The following CUL4A variants were observed in gnomAD, a reference collection of about 807,000 sequenced individuals.
CUL4A encodes the protein cullin-4A.
CUL4A carries 16 observed loss-of-function variants against 95.5 expected under a neutral mutation model. The ratio of observed to expected loss-of-function variants is 0.17; its 90% CI spans 0.11 to 0.25. The LOEUF (loss-of-function observed/expected upper bound fraction) is 0.25, where lower values mean the gene tolerates loss of function less well. Among genes scored for constraint, CUL4A ranks in the 10% least tolerant of loss-of-function variants. The pLI is 1.00. For missense variants in CUL4A, 610 were observed against 937.0 expected, an observed-to-expected ratio of 0.65 and a Z score of 4.56; for synonymous variants, 380 against 353.1, an observed-to-expected ratio of 1.08 and a Z score of -0.85.
intron 18 of CUL4A, among the ~76,000 whole-genome samples, chr13:113,260,076 G>C (rs1296678320): frequency 6.7e-6 from 1 of 150,214 alleles, no homozygotes; most frequent in Non-Finnish European, 1.5e-5. Context: ...TGGTGGGGGG[G>C]CACCGTAGTC....
upstream of CUL4A, chr13:113,208,546 G>C (rs1456736690): frequency 6.3e-7 from 1 of 1,591,778 alleles, no homozygotes; most frequent in Non-Finnish European, 8.5e-7. Context: ...GGGGACACAC[G>C]GAACACGCCG....
chr13:113,212,557 T>C (rs2040489767), intron 2 of CUL4A, among the ~76,000 whole-genome samples: 1 of 151,910 alleles, frequency 6.6e-6, no homozygotes, highest in Non-Finnish European at 1.5e-5. Flanking sequence ...CCAAGGTGGG[T>C]AGATCGCCTG....
chr13:113,251,455 A>G (rs1002515242), intron 15 of CUL4A, among the ~76,000 whole-genome samples: 3 of 151,626 alleles, frequency 2.0e-5, no homozygotes, highest in Non-Finnish European at 1.5e-5. Flanking sequence ...GGGAATGGTG[A>G]GCTCGTGGGA....
chr13:113,215,637 A>G (rs559195301), intron 2 of CUL4A, among the ~76,000 whole-genome samples: 3 of 142,966 alleles, frequency 2.1e-5, no homozygotes, highest in East Asian at 4.5e-4. Flanking sequence ...CTGTGTGACT[A>G]TGGAGGTTTC....
chr13:113,247,080 C>CGA (rs960073859), intron 15 of CUL4A, among the ~76,000 whole-genome samples: 3 of 151,960 alleles, frequency 2.0e-5, no homozygotes, highest in African/African-American at 7.3e-5. Flanking sequence ...GGGGAGTAGG[C>CGA]GAGAGAGAGG....
chr13:113,254,622 G>A, intron 16 of CUL4A, 71 bp from the exon 17 acceptor site: 1 of 1,090,160 alleles, frequency 9.2e-7, no homozygotes, highest in Non-Finnish European at 1.3e-6. Flanking sequence ...AGAGCAAAAA[G>A]AAGCTTCTTT....
At chr13:113,249,566 G>A (rs1297303524) in intron 15 of CUL4A, among the ~76,000 whole-genome samples, 2 of 152,176 alleles carry the variant, frequency 1.3e-5, no homozygotes, top group Admixed American at 1.3e-4. Context: ...TATGAACATG[G>A]GTGTACAAGT....
chr13:113,228,121 T>C (rs1033005241), intron 4 of CUL4A, 76 bp downstream of exon 4: 6 of 1,106,644 alleles, frequency 5.4e-6, no homozygotes, highest in South Asian at 1.3e-5. Flanking sequence ...AGCTGAGACA[T>C]AGAAGTTCTG....
chr13:113,223,710 G>A (rs1378530843), intron 3 of CUL4A, among the ~76,000 whole-genome samples: 2 of 152,122 alleles, frequency 1.3e-5, no homozygotes, highest in Non-Finnish European at 2.9e-5. Flanking sequence ...TTTAAGTAAT[G>A]TTATGTACCG....
intron 15 of CUL4A, among the ~76,000 whole-genome samples, chr13:113,250,315 C>T (rs371622973): frequency 6.6e-6 from 1 of 152,062 alleles, no homozygotes; most frequent in Non-Finnish European, 1.5e-5. Flanking sequence ...AGCCGCATGT[C>T]GTGGTGTCTG....
intron 5 of CUL4A, among the ~76,000 whole-genome samples, chr13:113,232,220 TGCCACCACTACCCGCC>T (rs2041366565): frequency 1.1e-4 from 1 of 9,020 alleles, no homozygotes; most frequent in Admixed American, 1.2e-3. Flanking sequence ...CCATTACTGC[TGCCACCACTACCCGCC>T]CACCACCATT....
At chr13:113,236,931 A>G (rs1248086224) in intron 9 of CUL4A, 41 bp downstream of exon 9, 1 of 1,395,852 alleles carries the variant, frequency 7.2e-7, no homozygotes, top group Non-Finnish European at 1.0e-6. Context: ...CTGAACAATT[A>G]TCCTTAGTTC....
chr13:113,259,573 C>T (rs1209107139), intron 18 of CUL4A, among the ~76,000 whole-genome samples: 1 of 152,148 alleles, frequency 6.6e-6, no homozygotes, highest in Non-Finnish European at 1.5e-5. Flanking sequence ...TCAATTTTAT[C>T]ATGCCTTTTC....
intron 6 of CUL4A, 98 bp from the exon 7 acceptor site, chr13:113,233,799 G>A: frequency 6.2e-6 from 5 of 807,354 alleles, no homozygotes. Flanking sequence ...CCAAGTTCAG[G>A]TCATGGCAGC....
intron 15 of CUL4A, among the ~76,000 whole-genome samples, chr13:113,248,640 G>A (rs1032832566): frequency 1.3e-5 from 2 of 152,076 alleles, no homozygotes; most frequent in African/African-American, 4.8e-5. Flanking sequence ...GTTGGTTCCA[G>A]GACTCCCACA....
rs371982424 is a variant in CUL4A, at chr13:113,263,621, T to G, written c.*39T>G. On this transcript the variant is annotated 3_prime_UTR_variant, in exon 20 of 20. Transcript: ENST00000375440. Reference sequence around the variant, plus strand: ...GGTTCCCCTTCATGAAACACTAGAATGTACCCTCAGAGCAGGAAGCACACC... The same window carrying G: ...GGTTCCCCTTCATGAAACACTAGAAGGTACCCTCAGAGCAGGAAGCACACC... The G allele has an allele frequency of 1.2e-5, 15 of 1,301,262 alleles. No individual in the cohort carries two copies. The highest frequency in any genetic ancestry group is 3.7e-4 in the Middle Eastern group (2 of 5,424). The allele number at this position is 1,301,262 out of a possible 1,614,324, so 80.6% of individuals were successfully genotyped here.
At chr13:113,241,808 C>T (rs938205329) in intron 10 of CUL4A, among the ~76,000 whole-genome samples, 1 of 152,058 alleles carries the variant, frequency 6.6e-6, no homozygotes, top group Non-Finnish European at 1.5e-5. Flanking sequence ...CCACTGCGCC[C>T]AGCCTTCTCT....
rs116102625 is a variant in CUL4A at position 113,215,608 on chromosome 13, C to T, written c.265-3337C>T. On this transcript the variant is annotated intron_variant, in intron 2 of 19. Transcript: ENST00000375440. ...CTGCGTGACTGTGGAGGTCACGTCC[C>T]GTGTGGCTGTGGAGATCTCTGTGTG... Among the ~76,000 whole-genome samples, 1,084 of 147,544 alleles carry T rather than the reference C, an allele frequency of 7.3e-3. 10 individuals are homozygous for T. The highest frequency in any genetic ancestry group is 0.026 in the Middle Eastern group (6 of 232).
intron 16 of CUL4A, 43 bp from the exon 17 acceptor site, chr13:113,254,650 T>G (rs746509843): frequency 8.4e-6 from 11 of 1,317,238 alleles, no homozygotes; most frequent in Non-Finnish European, 6.4e-6. Context: ...TCAAAGATTG[T>G]ACATGCACAG....
Sources: allele counts gnomAD v4.1 joint callset (sites outside exome capture counted in the v4.1 genomes callset), GRCh38; gene constraint gnomAD v4.1.1; transcripts MANE v1.5; gene names NCBI Gene and HGNC (gene_info 2026-07-23, HGNC 2026-07-21).